ZNF407: variants seen among roughly 807,000 people sequenced by gnomAD.
ZNF407 encodes zinc finger protein 407.
ZNF407 carries 17 observed loss-of-function variants against 131.2 expected under a neutral mutation model. The ratio of observed to expected loss-of-function variants is 0.13; its 90% confidence interval spans 0.09 to 0.19. The LOEUF (loss-of-function observed/expected upper bound fraction) is 0.19, where lower values mean the gene tolerates loss of function less well. Ranked by LOEUF, ZNF407 falls within the 10% of genes least tolerant of loss-of-function variation. The probability of loss-of-function intolerance (pLI) is 1.00; values close to 1 mark genes in which losing one functional copy is unlikely to be tolerated. For synonymous variants in ZNF407, 1,156 were observed against 1,062.0 expected, an observed-to-expected ratio of 1.09 and a Z score of -1.72; for missense variants, 2,681 against 2,830.6, an observed-to-expected ratio of 0.95 and a Z score of 1.20.
chr18:74,655,958 T>A (rs748949957), intron 3 of ZNF407, among the ~76,000 whole-genome samples: 1 of 152,154 alleles, frequency 6.6e-6, no homozygotes, highest in Non-Finnish European at 1.5e-5. Context: ...GCATTTTTGC[T>A]CAACTATATA....
In ZNF407 at chr18:74,615,122, C is replaced by T. The variant is rs114464812; in HGVS notation, c.-53-15845C>T. 7.5e-3 allele frequency among the ~76,000 whole-genome samples: 1,138 copies of T among 152,322 alleles called. 18 individuals are homozygous for T. Among genetic ancestry groups the T allele is most frequent in the African/African-American group, 0.026 (1,086 of 41,574 alleles). On this transcript the variant is annotated intron_variant, in intron 1 of 8. Transcript: ENST00000299687. ...ATGAGAAAGCTCAAAGACAGAGCTT[C>T]AAGGTGGAAGGAGCCAGGATCTCTA...
At chr18:75,005,569 T>C (rs1174749251) in intron 8 of ZNF407, among the ~76,000 whole-genome samples, 4 of 152,158 alleles carry the variant, frequency 2.6e-5, no homozygotes, top group South Asian at 2.1e-4. Flanking sequence ...TTATTTTTTT[T>C]CTGAGGTTAT....
chr18:74,721,715 CA>C (rs1968041220), intron 3 of ZNF407, among the ~76,000 whole-genome samples: 1 of 152,062 alleles, frequency 6.6e-6, no homozygotes, highest in Non-Finnish European at 1.5e-5. Context: ...TGTTTATTAC[CA>C]TTTAATGTAA....
chr18:74,818,005 A>C (rs530516895), intron 4 of ZNF407, among the ~76,000 whole-genome samples: 36 of 152,318 alleles, frequency 2.4e-4, no homozygotes, highest in African/African-American at 7.7e-4. Context: ...TTAGCTAAAA[A>C]TTTCATGACC....
chr18:74,667,797 G>A (rs1985990356), intron 3 of ZNF407, among the ~76,000 whole-genome samples: 2 of 152,182 alleles, frequency 1.3e-5, no homozygotes, highest in South Asian at 2.1e-4. Flanking sequence ...AAAGGGTAGC[G>A]AGAAAGGATC....
chr18:74,959,384 A>G (rs1972313183), intron 8 of ZNF407, among the ~76,000 whole-genome samples: 2 of 152,208 alleles, frequency 1.3e-5, no homozygotes, highest in Non-Finnish European at 2.9e-5. Context: ...TCTGGCTCCT[A>G]AGTCTCCTTT....
intron 8 of ZNF407, among the ~76,000 whole-genome samples, chr18:75,040,188 G>A (rs548049064): frequency 1.3e-5 from 2 of 152,298 alleles, no homozygotes; most frequent in South Asian, 2.1e-4. Flanking sequence ...ATCACGTGGA[G>A]TGATGTGCAT....
intron 4 of ZNF407, among the ~76,000 whole-genome samples, chr18:74,862,424 T>TA (rs970182430): frequency 6.9e-4 from 105 of 151,656 alleles, no homozygotes; most frequent in African/African-American, 2.4e-3. Flanking sequence ...AGGAGAGAAA[T>TA]AAAAAAAAAT....
chr18:74,988,294 A>T (rs1972677224), intron 8 of ZNF407, among the ~76,000 whole-genome samples: 1 of 152,172 alleles, frequency 6.6e-6, no homozygotes, highest in South Asian at 2.1e-4. Flanking sequence ...TTAAACTTCT[A>T]AACCTTTTGG....
At position 74,889,905 on chromosome 18, in the gene ZNF407, T is replaced by C. The variant is rs780052260; in HGVS notation, c.5129-13T>C. The C allele has an allele frequency of 6.3e-7, 1 of 1,598,852 alleles. No individual in the cohort carries two copies. Among genetic ancestry groups the C allele is most frequent in the Non-Finnish European group, 8.5e-7 (1 of 1,172,160 alleles). On this transcript the variant is annotated splice_polypyrimidine_tract_variant and intron_variant, in intron 6 of 8. Transcript: ENST00000299687. ...ATTATTATTCATCTGTAACATTTCT[T>C]GATATATTACAGGAGAAAAACCTTT...
chr18:74,888,396 A>C (rs971349319), intron 6 of ZNF407, among the ~76,000 whole-genome samples: 2 of 152,166 alleles, frequency 1.3e-5, no homozygotes, highest in Non-Finnish European at 2.9e-5. Context: ...AATTTAACCA[A>C]ATTCAAATTA....
intron 7 of ZNF407, among the ~76,000 whole-genome samples, chr18:74,909,379 T>A (rs189038821): frequency 3.9e-4 from 59 of 152,236 alleles, no homozygotes; most frequent in African/African-American, 1.3e-3. Context: ...TACTTAATGT[T>A]ATTTACCTTA....
chr18:74,925,818 C>G (rs1971905897), intron 8 of ZNF407, among the ~76,000 whole-genome samples: 1 of 152,174 alleles, frequency 6.6e-6, no homozygotes, highest in African/African-American at 2.4e-5. Flanking sequence ...TTGGTAAATC[C>G]ATGCTGACTC....
At position 74,842,743 on chromosome 18, in the gene ZNF407, A is replaced by G. The variant is rs903657362; in HGVS notation, c.4878-34454A>G. Among the ~76,000 whole-genome samples the G allele has an allele frequency of 4.5e-4, 68 of 151,972 alleles. 1 individual carries two copies. Among genetic ancestry groups the G allele is most frequent in the African/African-American group, 1.6e-3 (65 of 41,432 alleles). On this transcript the variant is annotated intron_variant, in intron 4 of 8. Transcript: ENST00000299687. ...CTATTTATTTATTTATTATTTTTTGAGACAGAATATCGCTCTGTTGCCCAG... is the reference window on the plus strand; with the variant it reads ...CTATTTATTTATTTATTATTTTTTGGGACAGAATATCGCTCTGTTGCCCAG...
At chr18:75,057,346 C>T (rs1973573103) in intron 8 of ZNF407, among the ~76,000 whole-genome samples, 1 of 152,196 alleles carries the variant, frequency 6.6e-6, no homozygotes, top group Non-Finnish European at 1.5e-5. Context: ...TTATCTGCTA[C>T]GTGATGCATG....
At chr18:74,675,602 T>A (rs1310239885) in intron 3 of ZNF407, among the ~76,000 whole-genome samples, 1 of 152,242 alleles carries the variant, frequency 6.6e-6, no homozygotes, top group African/African-American at 2.4e-5. Flanking sequence ...GCTTTCTGTC[T>A]TTTCTGTGCT....
chr18:74,816,367 C>A (rs534316015), intron 4 of ZNF407, among the ~76,000 whole-genome samples: 6 of 152,058 alleles, frequency 3.9e-5, no homozygotes, highest in Non-Finnish European at 5.9e-5. Flanking sequence ...TCAGAAAGAC[C>A]TTTTGGGTCA....
At chr18:74,682,843 G>A (rs1244944676) in intron 3 of ZNF407, among the ~76,000 whole-genome samples, 2 of 152,274 alleles carry the variant, frequency 1.3e-5, no homozygotes, top group South Asian at 4.1e-4. Flanking sequence ...GCTGACAGGC[G>A]CATTTTCCAT....
At chr18:74,798,598 A>G (rs1969965428) in intron 4 of ZNF407, among the ~76,000 whole-genome samples, 1 of 152,132 alleles carries the variant, frequency 6.6e-6, no homozygotes, top group East Asian at 1.9e-4. Context: ...CAACCTTTTC[A>G]GTGTAACTGT....
Sources: allele counts gnomAD v4.1 joint callset (sites outside exome capture counted in the v4.1 genomes callset), GRCh38; gene constraint gnomAD v4.1.1; transcripts MANE v1.5; gene names NCBI Gene and HGNC (gene_info 2026-07-23, HGNC 2026-07-21).